ANKFY1: variants seen among roughly 807,000 people sequenced by gnomAD.
ANKFY1 encodes ankyrin repeat and FYVE domain-containing protein 1.
A neutral mutation model predicts 128.3 loss-of-function variants in ANKFY1; 47 were observed. The ratio of observed to expected loss-of-function variants is 0.37; its 90% CI spans 0.29 to 0.47. The LOEUF (loss-of-function observed/expected upper bound fraction) is 0.47, where lower values mean the gene tolerates loss of function less well. ANKFY1 is among the 20% of genes least tolerant of loss of function. The probability of loss-of-function intolerance (pLI) is 1.00; values close to 1 mark genes in which losing one functional copy is unlikely to be tolerated. For missense variants in ANKFY1, 1,222 were observed against 1,510.6 expected (o/e 0.81, Z 3.17); for synonymous variants, 553 against 601.6 (o/e 0.92, Z 1.18).
At chr17:4,183,082 G>A (rs964034593) in intron 14 of ANKFY1, among the ~76,000 whole-genome samples, 1 of 152,160 alleles carries the variant, frequency 6.6e-6, no homozygotes, top group Non-Finnish European at 1.5e-5. Flanking sequence ...CTCCAGCCTA[G>A]GCAAAAGAGT....
intron 11 of ANKFY1, chr17:4,186,689 C>T: frequency 2.3e-6 from 1 of 437,356 alleles, no homozygotes; most frequent in Non-Finnish European, 3.0e-6. Flanking sequence ...TGTCCTCTTC[C>T]TCCTCCTCCC....
At chr17:4,172,947 C>A (rs2059348336) in intron 21 of ANKFY1, among the ~76,000 whole-genome samples, 1 of 152,228 alleles carries the variant, frequency 6.6e-6, no homozygotes, top group African/African-American at 2.4e-5. Context: ...GCAAGCTCCG[C>A]CTCCCGGGTT....
At chr17:4,261,468 A>G (rs1240356852) in intron 1 of ANKFY1, among the ~76,000 whole-genome samples, 1 of 152,236 alleles carries the variant, frequency 6.6e-6, no homozygotes, top group Non-Finnish European at 1.5e-5. Context: ...CAACAGAGCG[A>G]GACTCCCTCA....
chr17:4,217,341 G>T (rs2060238210), intron 3 of ANKFY1, among the ~76,000 whole-genome samples: 1 of 152,206 alleles, frequency 6.6e-6, no homozygotes, highest in Non-Finnish European at 1.5e-5. Flanking sequence ...GAAGTCAGGA[G>T]TTCGAGACCA....
At position 4,209,837 on chromosome 17, in the gene ANKFY1, A is replaced by G. The variant is rs1445520344; in HGVS notation, c.569T>C (p.Ile190Thr). 1 of 1,613,038 alleles carries G rather than the reference A, an allele frequency of 6.2e-7. No individual in the cohort carries two copies. Among genetic ancestry groups the G allele is most frequent in the Non-Finnish European group, 8.5e-7 (1 of 1,179,126 alleles). Reference protein sequence around the residue: ...STLMNYCAEIIASHWDDLRKE... With the variant: ...STLMNYCAEITASHWDDLRKE... Reference sequence around the variant, plus strand: ...AACCTCACTCACCCAATGACTTGCAATAATTTCTGCACAGTAGTTCATCAG... The same window carrying G: ...AACCTCACTCACCCAATGACTTGCAGTAATTTCTGCACAGTAGTTCATCAG... The change falls in exon 5 of 25, where the codon ATT becomes ACT. Residue 190 changes from isoleucine (I) to threonine (T), a missense_variant. Physicochemically the swap from Ile to Thr is moderately conservative, Grantham distance 89. Coordinates refer to ENST00000341657, the MANE Select transcript of ANKFY1 (RefSeq NM_001330063.2).
At position 4,167,744 on chromosome 17, in the gene ANKFY1, AC is replaced by A; in HGVS notation, c.*34del. 1 of 1,582,536 alleles carries A rather than the reference AC, an allele frequency of 6.3e-7. No homozygotes were observed. Among genetic ancestry groups the A allele is most frequent in the Non-Finnish European group, 8.6e-7 (1 of 1,161,480 alleles). ...GAGCAGAGCAGCTGCTGGGGAGGTG[AC>A]CAAGGACGTGGCCTGGACCCTCCGG... On this transcript the variant is annotated 3_prime_UTR_variant, in exon 25 of 25. Transcript: ENST00000341657. The surrounding 1 kb of genome is among the most constrained non-coding windows in gnomAD (Gnocchi z 4.1).
chr17:4,185,868 G>A (rs901053058), intron 11 of ANKFY1, among the ~76,000 whole-genome samples: 16 of 152,182 alleles, frequency 1.1e-4, no homozygotes, highest in African/African-American at 2.9e-4. Flanking sequence ...CCTAAGCCCC[G>A]GCAATCGGCA....
chr17:4,242,709 C>G (rs747844163), intron 1 of ANKFY1, among the ~76,000 whole-genome samples: 2 of 152,042 alleles, frequency 1.3e-5, no homozygotes, highest in Admixed American at 6.6e-5. Flanking sequence ...TCCTGGGCAA[C>G]GTACTGTCTC....
intron 19 of ANKFY1, among the ~76,000 whole-genome samples, chr17:4,174,918 A>G (rs2059385562): frequency 6.6e-6 from 1 of 151,804 alleles, no homozygotes; most frequent in Non-Finnish European, 1.5e-5. Flanking sequence ...CTGTAGAGAC[A>G]ACGTCTTGCT....
At chr17:4,254,865 T>C (rs1392472904) in intron 1 of ANKFY1, among the ~76,000 whole-genome samples, 3 of 152,198 alleles carry the variant, frequency 2.0e-5, no homozygotes, top group African/African-American at 7.2e-5. Flanking sequence ...TCATCTCAGA[T>C]TCTAACTATA....
rs577444406 is a variant in ANKFY1, at chr17:4,197,527, C to T, written c.949G>A (p.Ala317Thr). The T allele has an allele frequency of 2.5e-6, 4 of 1,614,010 alleles. No homozygotes were observed. The highest frequency in any genetic ancestry group is 1.3e-5 in the African/African-American group (1 of 74,890). ...GTCTCCTGGGCACCCAGTGTAGCAG[C>T]GTTGACAAAGGCCCCATTCTTAATG... ...FLIKNGAFVN[A>T]ATLGAQETPL... Residue 317 changes from alanine to threonine, a missense_variant, in exon 8 of 25, where the codon GCT becomes ACT. By Grantham distance (58) the Ala-to-Thr change is moderately conservative. Transcript: ENST00000341657.
chr17:4,170,604 G>A (rs1057293482), intron 23 of ANKFY1, 111 bp downstream of exon 23: 1 of 1,432,836 alleles, frequency 7.0e-7, no homozygotes, highest in South Asian at 1.4e-5. Context: ...CAGGAAACGA[G>A]CGGTTCCGAT....
intron 4 of ANKFY1, among the ~76,000 whole-genome samples, chr17:4,214,613 C>T (rs2060190217): frequency 6.6e-6 from 1 of 151,526 alleles, no homozygotes; most frequent in African/African-American, 2.4e-5. Flanking sequence ...ACAACCTCCA[C>T]CTCCCAGGTT....
chr17:4,190,765 T>C (rs1365221635), intron 10 of ANKFY1, among the ~76,000 whole-genome samples: 3 of 152,126 alleles, frequency 2.0e-5, no homozygotes, highest in African/African-American at 7.2e-5. Context: ...TTTCCAAAAA[T>C]GAACAAACTC....
chr17:4,202,564 G>A (rs560486198), intron 7 of ANKFY1, among the ~76,000 whole-genome samples: 1 of 149,898 alleles, frequency 6.7e-6, no homozygotes, highest in African/African-American at 2.4e-5. Context: ...GGGCATGGTG[G>A]CGCGCGCCTG....
At chr17:4,206,993 G>A (rs996642466) in intron 6 of ANKFY1, among the ~76,000 whole-genome samples, 4 of 152,106 alleles carry the variant, frequency 2.6e-5, no homozygotes, top group African/African-American at 7.2e-5. Flanking sequence ...AGACGGACAT[G>A]TCCTAATCCC....
intron 10 of ANKFY1, among the ~76,000 whole-genome samples, chr17:4,193,549 C>A (rs537147072): frequency 3.0e-4 from 46 of 150,912 alleles, no homozygotes; most frequent in Non-Finnish European, 6.2e-4. Context: ...CACCTCAGCC[C>A]CCCAAGTAGC....
At chr17:4,202,161 G>C (rs1008468367) in intron 7 of ANKFY1, among the ~76,000 whole-genome samples, 1 of 152,126 alleles carries the variant, frequency 6.6e-6, no homozygotes, top group Non-Finnish European at 1.5e-5. Flanking sequence ...CCAGCACTTT[G>C]GGAGGCCGAG....
chr17:4,201,809 G>C (rs948842933), intron 7 of ANKFY1, among the ~76,000 whole-genome samples: 1 of 152,080 alleles, frequency 6.6e-6, no homozygotes, highest in Non-Finnish European at 1.5e-5. Flanking sequence ...GCATATAGGG[G>C]GTTAGGCTAG....
Sources: gnomAD v4.1 joint callset for allele counts (sites outside exome capture counted in the v4.1 genomes callset) on GRCh38, gnomAD v4.1.1 for gene constraint, Gnocchi (gnomAD v3.1) non-coding constraint, MANE v1.5 for transcripts, NCBI Gene and HGNC (gene_info 2026-07-23, HGNC 2026-07-21) for gene names.